The following GRIN2A variants were observed in gnomAD, a reference collection of about 807,000 sequenced individuals.
The protein encoded by GRIN2A is glutamate receptor ionotropic, NMDA 2A.
GRIN2A carries 22 observed loss-of-function variants against 113.4 expected under a neutral mutation model. The observed-to-expected ratio is 0.19, with a 90% CI of 0.14 to 0.28. GRIN2A has a LOEUF of 0.28. Ranked by LOEUF, GRIN2A falls within the 10% of genes least tolerant of loss-of-function variation. The pLI is 1.00. For missense variants in GRIN2A, 1,502 were observed against 1,887.0 expected, an observed-to-expected ratio of 0.80 and a Z score of 3.78; for synonymous variants, 827 against 738.4, an observed-to-expected ratio of 1.12 and a Z score of -1.94.
chr16:9,956,760 A>G (rs1015758774), intron 2 of GRIN2A, among the ~76,000 whole-genome samples: 2 of 152,186 alleles, frequency 1.3e-5, no homozygotes, highest in Non-Finnish European at 2.9e-5. Context: ...AAACAGAACA[A>G]TTTAGATGGT....
intron 2 of GRIN2A, among the ~76,000 whole-genome samples, chr16:10,087,410 C>G (rs530750647): frequency 1.8e-4 from 28 of 152,298 alleles, no homozygotes; most frequent in African/African-American, 6.5e-4. Flanking sequence ...TCTTTAAGAT[C>G]CATCTCTTCA....
chr16:9,974,053 T>G (rs1259010221), intron 2 of GRIN2A, among the ~76,000 whole-genome samples: 1 of 152,184 alleles, frequency 6.6e-6, no homozygotes, highest in Non-Finnish European at 1.5e-5. Flanking sequence ...AAAATACATA[T>G]GCATGTGACT....
At chr16:10,133,744 T>C (rs1294111076) in intron 2 of GRIN2A, among the ~76,000 whole-genome samples, 7 of 152,186 alleles carry the variant, frequency 4.6e-5, no homozygotes, top group African/African-American at 1.2e-4. Context: ...TCTCCAACTG[T>C]GGACCTGTAA....
rs537824361 is a variant in GRIN2A, at chr16:9,792,868, T to G, written c.2356+5409A>C. Among the ~76,000 whole-genome samples, 7 of 152,352 alleles carry G rather than the reference T, an allele frequency of 4.6e-5. No homozygotes were observed. The East Asian group carries it at 1.4e-3, about 29-fold the overall frequency. On this transcript the variant is annotated intron_variant, in intron 11 of 12. Transcript: ENST00000330684. ...GGTTTCTCCTTGCAGCTTGGTTTAG[T>G]AGGAAATGATCAGAATTGGACTCAG...
chr16:10,083,612 T>A (rs1174130485), intron 2 of GRIN2A, among the ~76,000 whole-genome samples: 1 of 152,230 alleles, frequency 6.6e-6, no homozygotes, highest in Non-Finnish European at 1.5e-5. Flanking sequence ...CTCATAGAGC[T>A]GCTTCTCTTT....
At chr16:9,965,834 C>T (rs987428049) in intron 2 of GRIN2A, among the ~76,000 whole-genome samples, 20 of 152,196 alleles carry the variant, frequency 1.3e-4, no homozygotes, top group Admixed American at 1.1e-3. Context: ...CAGCCAAGCC[C>T]TTTCCTGTAT....
chr16:10,009,486 CCTTTT>C (rs1245264678), intron 2 of GRIN2A, among the ~76,000 whole-genome samples: 1 of 151,988 alleles, frequency 6.6e-6, no homozygotes, highest in Admixed American at 6.6e-5. Flanking sequence ...CCATAAGTGC[CCTTTT>C]ATTTGTGATT....
At chr16:9,845,780 C>A (rs1324596072) in intron 5 of GRIN2A, among the ~76,000 whole-genome samples, 4 of 152,170 alleles carry the variant, frequency 2.6e-5, no homozygotes, top group Non-Finnish European at 5.9e-5. Context: ...GCTAAAGTAA[C>A]CCCACATACC....
intron 10 of GRIN2A, among the ~76,000 whole-genome samples, chr16:9,811,988 G>A: frequency 6.6e-6 from 1 of 152,110 alleles, no homozygotes; most frequent in Admixed American, 6.5e-5. Flanking sequence ...TGAAACAGTA[G>A]TAAAGATTTT....
At chr16:10,123,056 C>A (rs186727790) in intron 2 of GRIN2A, among the ~76,000 whole-genome samples, 2 of 152,302 alleles carry the variant, frequency 1.3e-5, no homozygotes, top group African/African-American at 4.8e-5. Flanking sequence ...ATACAGCTAG[C>A]AATGGCAATG....
At chr16:9,894,758 G>C (rs2043769374) in intron 3 of GRIN2A, among the ~76,000 whole-genome samples, 1 of 152,108 alleles carries the variant, frequency 6.6e-6, no homozygotes, top group Non-Finnish European at 1.5e-5. Context: ...TACTGTGGGG[G>C]CTCAGTTAAT....
intron 2 of GRIN2A, among the ~76,000 whole-genome samples, chr16:10,154,786 C>G (rs1031545076): frequency 2.6e-5 from 4 of 152,082 alleles, no homozygotes; most frequent in Non-Finnish European, 5.9e-5. Flanking sequence ...ATGAGACAGA[C>G]AGAAATAGCA....
At chr16:9,981,267 T>A (rs1208451260) in intron 2 of GRIN2A, among the ~76,000 whole-genome samples, 2 of 152,214 alleles carry the variant, frequency 1.3e-5, no homozygotes, top group Admixed American at 1.3e-4. Flanking sequence ...GCGCCTCCAA[T>A]CATGTCTCAA....
At chr16:10,006,675 T>C (rs2046409602) in intron 2 of GRIN2A, among the ~76,000 whole-genome samples, 1 of 152,164 alleles carries the variant, frequency 6.6e-6, no homozygotes, top group African/African-American at 2.4e-5. Context: ...CGACAAATTA[T>C]TGCTGACTAC....
chr16:9,991,698 C>A (rs2046116020), intron 2 of GRIN2A, among the ~76,000 whole-genome samples: 1 of 152,168 alleles, frequency 6.6e-6, no homozygotes, highest in South Asian at 2.1e-4. Flanking sequence ...AACACATATA[C>A]ACCATGGAAT....
At position 9,924,119 on chromosome 16, in the gene GRIN2A, A is replaced by C. The variant is rs571623828; in HGVS notation, c.1007+13840T>G. On this transcript the variant is annotated intron_variant, in intron 3 of 12. Transcript: ENST00000330684. ...GAGTGAGACTTGGTCTCAAAAAAAA[A>C]AAAAAAAAAAAAAAAAAAAACAAAA... is the stretch of plus-strand genomic sequence containing the variant. Among the ~76,000 whole-genome samples, 1,211 of 150,522 alleles carry C rather than the reference A, an allele frequency of 8.0e-3. 37 individuals are homozygous for C. The highest frequency in any genetic ancestry group is 0.026 in the African/African-American group (1,060 of 40,844).
chr16:9,786,053 T>A (rs1902211474), intron 11 of GRIN2A, among the ~76,000 whole-genome samples: 1 of 152,212 alleles, frequency 6.6e-6, no homozygotes, highest in African/African-American at 2.4e-5. Context: ...GTTAGTAATT[T>A]ACAGACTAGC....
intron 2 of GRIN2A, among the ~76,000 whole-genome samples, chr16:10,041,701 G>C (rs893275223): frequency 6.6e-6 from 1 of 152,138 alleles, no homozygotes; most frequent in Non-Finnish European, 1.5e-5. Context: ...TACAGACTAG[G>C]TGCTCAATAA....
At chr16:10,066,230 G>A (rs1013965583) in intron 2 of GRIN2A, among the ~76,000 whole-genome samples, 1 of 152,092 alleles carries the variant, frequency 6.6e-6, no homozygotes, top group Non-Finnish European at 1.5e-5. Flanking sequence ...TGCCTCTCAG[G>A]GGCCTTTACT....
Sources: allele counts gnomAD v4.1 joint callset (sites outside exome capture counted in the v4.1 genomes callset), GRCh38; gene constraint gnomAD v4.1.1; transcripts MANE v1.5; gene names NCBI Gene and HGNC (gene_info 2026-07-23, HGNC 2026-07-21).